The following ZNF558 variants were observed in gnomAD, a reference collection of about 807,000 sequenced individuals.
ZNF558 encodes the protein zinc finger protein 558.
ZNF558 carries 23 observed loss-of-function variants against 37.6 expected under a neutral mutation model. That is an observed-to-expected ratio of 0.61 (90% CI 0.44 to 0.87). The LOEUF is 0.87. ZNF558 is among the 40% of genes least tolerant of loss of function. The probability of loss-of-function intolerance (pLI) is 0.00; values close to 1 mark genes in which losing one functional copy is unlikely to be tolerated. For missense variants in ZNF558, 429 were observed against 483.7 expected (o/e 0.89, Z 1.06); for synonymous variants, 189 against 174.4 (o/e 1.08, Z -0.66).
intron 7 of ZNF558, among the ~76,000 whole-genome samples, chr19:8,817,988 C>T (rs2043982727): frequency 6.6e-6 from 1 of 152,204 alleles, no homozygotes; most frequent in Non-Finnish European, 1.5e-5. Context: ...CTAGACCTAA[C>T]AAATATATAA....
At chr19:8,829,849 A>G (rs763889628) in intron 2 of ZNF558, among the ~76,000 whole-genome samples, 56 of 152,334 alleles carry the variant, frequency 3.7e-4, no homozygotes, top group South Asian at 1.0e-3. Context: ...CACACACACA[A>G]TTAGTAGAAA....
chr19:8,818,307 C>T (rs562560080), intron 7 of ZNF558, among the ~76,000 whole-genome samples: 136 of 152,156 alleles, frequency 8.9e-4, no homozygotes, highest in Non-Finnish European at 1.7e-3. Context: ...CAAAAATTAG[C>T]TGGGCGTGGT....
chr19:8,816,169 C>T (rs1053332691), intron 7 of ZNF558, among the ~76,000 whole-genome samples: 4 of 152,066 alleles, frequency 2.6e-5, no homozygotes, highest in African/African-American at 9.7e-5. Context: ...TGGGGTCAAG[C>T]AATCCTTCCA....
chr19:8,831,630 C>T (rs1258891006), intron 1 of ZNF558, among the ~76,000 whole-genome samples: 2 of 152,250 alleles, frequency 1.3e-5, no homozygotes, highest in Non-Finnish European at 2.9e-5. Context: ...GTGCATTTGA[C>T]TTGCTCAACT....
At chr19:8,812,452 T>C in intron 9 of ZNF558, 109 bp downstream of exon 9, 1 of 675,880 alleles carries the variant, frequency 1.5e-6, no homozygotes, top group South Asian at 3.0e-5. Flanking sequence ...GCATTCTCAA[T>C]TATAAATGAC....
intron 2 of ZNF558, among the ~76,000 whole-genome samples, chr19:8,827,184 G>A (rs1015918838): frequency 2.0e-5 from 3 of 147,276 alleles, no homozygotes; most frequent in Non-Finnish European, 4.4e-5. Context: ...CCTGGATACA[G>A]TGCTGGAGGA....
In ZNF558 at chr19:8,808,308, A is replaced by AAAAT. The variant is rs58597827; in HGVS notation, c.*2969_*2972dup. On this transcript the variant is annotated 3_prime_UTR_variant, in exon 10 of 10. Coordinates refer to ENST00000601372, the MANE Select transcript of ZNF558 (RefSeq NM_144693.3). ...TGATGACAAGAGTGAAACTCCATCT[A>AAAAT]AAATAAATAAATAAATAAATAAATG... The AAAAT allele has an allele frequency of 1.5e-4, 23 of 151,244 alleles. No individual in the cohort carries two copies. The East Asian group carries it at 3.3e-3, about 22-fold the overall frequency. 9.4% of individuals were successfully genotyped at this position (151,244 alleles called of 1,614,324 possible).
In ZNF558 at chr19:8,807,029, TTGTC is replaced by T. The variant is rs1489701581; in HGVS notation, c.*4248_*4251del. The stretch of plus-strand genomic sequence containing the variant: ...ATTATTCTTGGTTATTTTAAAGTCT[TTGTC>T]TGCTAACTCCAATACCCAAATTGTC... On this transcript the variant is annotated 3_prime_UTR_variant, in exon 10 of 10. Coordinates refer to ENST00000601372, the MANE Select transcript of ZNF558 (RefSeq NM_144693.3). 3 of 152,234 alleles carry T rather than the reference TTGTC, an allele frequency of 2.0e-5. No individual in the cohort carries two copies. The highest frequency in any genetic ancestry group is 1.3e-4 in the Admixed American group (2 of 15,286). 9.4% of individuals were successfully genotyped at this position (152,234 alleles called of 1,614,324 possible). A position where few individuals can be genotyped will look rare whatever the true frequency, so the allele number is the denominator to read the frequency against.
At chr19:8,838,043 T>C in the ZNF558 span, among the ~76,000 whole-genome samples, 30 of 151,314 alleles carry the variant, frequency 2.0e-4, no homozygotes, top group Non-Finnish European at 3.7e-4. Flanking sequence ...CATCAAGAGA[T>C]TGAGACCATC....
chr19:8,813,174 T>C lies in ZNF558; in HGVS notation c.296A>G (p.Lys99Arg), dbSNP rs1030128511. The change falls in exon 8 of 10, where the codon AAG becomes AGG. Residue 99 changes from lysine (K) to arginine (R), a missense_variant. By Grantham distance (26) the Lys-to-Arg change is conservative. Coordinates refer to ENST00000601372, the MANE Select transcript of ZNF558 (RefSeq NM_144693.3). ...TCCTCTTTCCTCTGTCACCACCTTC[T>C]TGTCTTGTTCCAACTGGGATATCAG... is the stretch of plus-strand genomic sequence containing the variant. ...PSLISQLEQD[K>R]KVVTEERGIL... 3.7e-6 allele frequency: 6 copies of C among 1,600,326 alleles called. No homozygotes were observed. Among genetic ancestry groups the C allele is most frequent in the Non-Finnish European group, 5.1e-6 (6 of 1,172,808 alleles).
upstream of ZNF558, among the ~76,000 whole-genome samples, chr19:8,834,059 T>C (rs1402498640): frequency 1.3e-5 from 2 of 151,978 alleles, no homozygotes; most frequent in East Asian, 3.9e-4. Context: ...AGGGAAAAAA[T>C]TTTATGTAAG....
upstream of ZNF558, among the ~76,000 whole-genome samples, chr19:8,834,761 C>G (rs560436683): frequency 2.0e-5 from 3 of 151,702 alleles, no homozygotes; most frequent in East Asian, 5.8e-4. Context: ...AGAGCTAAAA[C>G]TATAAACTTC....
intron 7 of ZNF558, among the ~76,000 whole-genome samples, chr19:8,820,479 GT>G (rs1231214042): frequency 6.6e-6 from 1 of 152,114 alleles, no homozygotes; most frequent in Non-Finnish European, 1.5e-5. Flanking sequence ...ACATAGCTAA[GT>G]TTTTTTGTTT....
chr19:8,815,549 G>A (rs1023184176), intron 7 of ZNF558, among the ~76,000 whole-genome samples: 10 of 152,272 alleles, frequency 6.6e-5, no homozygotes, highest in African/African-American at 2.4e-4. Flanking sequence ...GGGAGGCTGA[G>A]GCAGGAGGAC....
chr19:8,821,050 ATAT>A, intron 7 of ZNF558, 127 bp downstream of exon 7: 1 of 1,369,014 alleles, frequency 7.3e-7, no homozygotes. Context: ...ACTGGACTGG[ATAT>A]CTTAGAATGG....
At chr19:8,832,833 C>T (rs906061884), upstream of ZNF558, among the ~76,000 whole-genome samples, 1 of 151,704 alleles carries the variant, frequency 6.6e-6, no homozygotes, top group Non-Finnish European at 1.5e-5. Context: ...GTGGTTGTGA[C>T]AGCCCTGGAG....
intron 3 of ZNF558, among the ~76,000 whole-genome samples, chr19:8,824,742 C>T (rs1423049): frequency 0.38 from 57,525 of 151,928 alleles, 10,984 homozygotes; most frequent in South Asian, 0.49. Context: ...CTCTCTCCTC[C>T]GCCCTTTCCC....
rs1474142044 is a variant in ZNF558 at position 8,809,943 on chromosome 19, G to A, written c.*1338C>T. 1 of 152,064 alleles carries A rather than the reference G, an allele frequency of 6.6e-6. No individual in the cohort carries two copies. Among genetic ancestry groups the A allele is most frequent in the Non-Finnish European group, 1.5e-5 (1 of 68,030 alleles). The allele number at this position is 152,064 out of a possible 1,614,324, so 9.4% of individuals were successfully genotyped here. A position where few individuals can be genotyped will look rare whatever the true frequency, so the allele number is the denominator to read the frequency against. ...CCTAACACTGATTACATTCCTAGGG[G>A]TTTCTCCATATAAGTTCTCTCATAT... On this transcript the variant is annotated 3_prime_UTR_variant, in exon 10 of 10. Transcript: ENST00000601372.
intron 6 of ZNF558, chr19:8,821,744 A>G: frequency 7.5e-7 from 1 of 1,331,158 alleles, no homozygotes; most frequent in Non-Finnish European, 9.6e-7. Flanking sequence ...GAACATCATC[A>G]CGTCTTTACT....
Sources: allele counts gnomAD v4.1 joint callset (sites outside exome capture counted in the v4.1 genomes callset), GRCh38; gene constraint gnomAD v4.1.1; transcripts MANE v1.5; gene names NCBI Gene and HGNC (gene_info 2026-07-23, HGNC 2026-07-21).